Variants in KCNH8 observed in about 807,000 individuals in gnomAD.
KCNH8 encodes the protein potassium voltage-gated channel subfamily H member 8.
In KCNH8, 70 loss-of-function variants were observed where a neutral mutation model predicts 103.6. The ratio of observed to expected loss-of-function variants is 0.68; its 90% CI spans 0.56 to 0.82. The LOEUF (loss-of-function observed/expected upper bound fraction) is 0.82. Ranked by LOEUF, KCNH8 falls within the 40% of genes least tolerant of loss-of-function variation. The pLI, the probability that KCNH8 is intolerant of heterozygous loss-of-function variation, is 0.00. For synonymous variants in KCNH8, 498 were observed against 489.4 expected (o/e 1.02, Z -0.23); for missense variants, 1,217 against 1,329.9 (o/e 0.92, Z 1.32).
intron 11 of KCNH8, among the ~76,000 whole-genome samples, chr3:19,503,676 G>A (rs551578415): frequency 1.3e-5 from 2 of 148,300 alleles, no homozygotes; most frequent in Non-Finnish European, 3.0e-5. Flanking sequence ...ACTATCTCAA[G>A]AACAAAAAAC....
At chr3:19,413,202 A>G (rs1457089233) in intron 7 of KCNH8, among the ~76,000 whole-genome samples, 1 of 151,980 alleles carries the variant, frequency 6.6e-6, no homozygotes, top group Non-Finnish European at 1.5e-5. Context: ...AAGAAAAAAA[A>G]AAAAAAGAAT....
intron 15 of KCNH8, among the ~76,000 whole-genome samples, chr3:19,520,436 TAG>T (rs1447008243): frequency 3.9e-5 from 6 of 152,006 alleles, no homozygotes; most frequent in Admixed American, 3.9e-4. Flanking sequence ...ACCCTTTGGA[TAG>T]TGCATAAAAA....
At chr3:19,347,152 T>C (rs963057510) in intron 4 of KCNH8, among the ~76,000 whole-genome samples, 21 of 152,094 alleles carry the variant, frequency 1.4e-4, no homozygotes, top group Non-Finnish European at 2.6e-4. Context: ...GGTTCCCAAC[T>C]TCACCAACAG....
chr3:19,361,279 A>T (rs1310299452), intron 5 of KCNH8, among the ~76,000 whole-genome samples: 3 of 152,070 alleles, frequency 2.0e-5, no homozygotes, highest in African/African-American at 4.8e-5. Context: ...GTATTTCTTC[A>T]TTATTTAAAA....
chr3:19,238,506 G>T (rs1467458848), intron 1 of KCNH8, among the ~76,000 whole-genome samples: 2 of 152,134 alleles, frequency 1.3e-5, no homozygotes, highest in South Asian at 4.1e-4. Context: ...CCCTTTATGA[G>T]AATTTATTTG....
intron 1 of KCNH8, among the ~76,000 whole-genome samples, chr3:19,169,726 T>C (rs2063322343): frequency 6.6e-6 from 1 of 152,218 alleles, no homozygotes; most frequent in Non-Finnish European, 1.5e-5. Context: ...CTGAAATAGA[T>C]ACATTATATT....
chr3:19,198,303 G>A (rs1575429859), intron 1 of KCNH8, among the ~76,000 whole-genome samples: 2 of 152,192 alleles, frequency 1.3e-5, no homozygotes, highest in East Asian at 3.9e-4. Context: ...CTTGAAGGAA[G>A]TAATGCTTAA....
intron 13 of KCNH8, among the ~76,000 whole-genome samples, chr3:19,514,944 A>G (rs1216741180): frequency 6.6e-6 from 1 of 150,824 alleles, no homozygotes; most frequent in Non-Finnish European, 1.5e-5. Flanking sequence ...ATACTTTTAA[A>G]TTATCTAACA....
intron 1 of KCNH8, among the ~76,000 whole-genome samples, chr3:19,231,348 A>G (rs746413568): frequency 9.2e-5 from 14 of 152,170 alleles, no homozygotes; most frequent in Non-Finnish European, 1.9e-4. Context: ...ATTGTGCATA[A>G]TGCTCGGTAT....
intron 10 of KCNH8, among the ~76,000 whole-genome samples, chr3:19,452,662 T>A (rs1252478710): frequency 6.6e-6 from 1 of 151,962 alleles, no homozygotes; most frequent in Non-Finnish European, 1.5e-5. Context: ...TAAAAGGGGG[T>A]GAATTCAGTA....
At chr3:19,512,586 A>G (rs1030243447) in intron 12 of KCNH8, among the ~76,000 whole-genome samples, 17 of 152,338 alleles carry the variant, frequency 1.1e-4, no homozygotes, top group African/African-American at 4.1e-4. Context: ...AAGACCCTCC[A>G]TTAAAATGGA....
At chr3:19,525,661 T>C (rs1174067790) in intron 15 of KCNH8, among the ~76,000 whole-genome samples, 3 of 151,970 alleles carry the variant, frequency 2.0e-5, no homozygotes, top group Non-Finnish European at 4.4e-5. Flanking sequence ...TTCAAGACTA[T>C]AATTGGTCAT....
chr3:19,368,118 A>G (rs906076040), intron 5 of KCNH8, among the ~76,000 whole-genome samples: 6 of 152,064 alleles, frequency 3.9e-5, no homozygotes, highest in African/African-American at 1.4e-4. Flanking sequence ...TTATCTAATC[A>G]TTGCTAAATA....
At position 19,277,055 on chromosome 3, in the gene KCNH8, T is replaced by C. The variant is rs116814185; in HGVS notation, c.311-4143T>C. Among the ~76,000 whole-genome samples the C allele has an allele frequency of 5.8e-3, 888 of 152,164 alleles. 6 individuals are homozygous for C. Among genetic ancestry groups the C allele is most frequent in the African/African-American group, 0.02 (841 of 41,538 alleles). On this transcript the variant is annotated intron_variant, in intron 2 of 15. Transcript: ENST00000328405. ...GTTCTGTCATTTGCAGAAGAAACAT[T>C]GATAGAACTGGAGGCCCTTATGTTG...
intron 1 of KCNH8, among the ~76,000 whole-genome samples, chr3:19,170,379 G>T (rs1559406621): frequency 6.6e-6 from 1 of 151,692 alleles, no homozygotes; most frequent in Non-Finnish European, 1.5e-5. Context: ...AATGTTCATT[G>T]CACCCAAAGT....
At chr3:19,372,881 T>C (rs1486115662) in intron 5 of KCNH8, among the ~76,000 whole-genome samples, 1 of 152,134 alleles carries the variant, frequency 6.6e-6, no homozygotes, top group African/African-American at 2.4e-5. Flanking sequence ...ATGTGGTTTT[T>C]GTCTTTGGCT....
At chr3:19,499,632 T>C (rs1158956715) in intron 11 of KCNH8, among the ~76,000 whole-genome samples, 1 of 152,112 alleles carries the variant, frequency 6.6e-6, no homozygotes, top group East Asian at 1.9e-4. Flanking sequence ...GGGGCCAATA[T>C]TCAACATTCT....
At chr3:19,320,891 C>G (rs1314547495) in intron 3 of KCNH8, among the ~76,000 whole-genome samples, 1 of 151,630 alleles carries the variant, frequency 6.6e-6, no homozygotes. Context: ...GTTTCTATTT[C>G]TTCCTGGTTT....
chr3:19,495,849 T>A (rs183123557), intron 11 of KCNH8, among the ~76,000 whole-genome samples: 51 of 152,280 alleles, frequency 3.3e-4, no homozygotes, highest in African/African-American at 1.1e-3. Flanking sequence ...TGTTTTTCCA[T>A]GTGTTTGTGT....
Sources: gnomAD v4.1 joint callset for allele counts (sites outside exome capture counted in the v4.1 genomes callset) on GRCh38, gnomAD v4.1.1 for gene constraint, MANE v1.5 for transcripts, NCBI Gene and HGNC (gene_info 2026-07-23, HGNC 2026-07-21) for gene names.